The following TTC38 variants were observed in gnomAD, a reference collection of about 807,000 sequenced individuals.
TTC38 encodes tetratricopeptide repeat protein 38.
TTC38 carries 64 observed loss-of-function variants against 64.2 expected under a neutral mutation model. The ratio of observed to expected loss-of-function variants is 1.00; its 90% CI spans 0.81 to 1.23. The LOEUF (loss-of-function observed/expected upper bound fraction) is 1.23. TTC38 is among the 50% of genes most tolerant of loss of function. The probability of loss-of-function intolerance (pLI) is 0.00; values close to 1 mark genes in which losing one functional copy is unlikely to be tolerated. For missense variants in TTC38, 573 were observed against 615.5 expected (o/e 0.93, Z 0.73); for synonymous variants, 254 against 249.3 (o/e 1.02, Z -0.18).
intron 12 of TTC38, 127 bp downstream of exon 12, chr22:46,289,688 C>A: frequency 6.9e-7 from 1 of 1,456,008 alleles, no homozygotes; most frequent in South Asian, 1.2e-5. Context: ...CTCTCACACT[C>A]CCGCCGTGTA....
Position 46,281,550 on chromosome 22 carries a change from C to A in TTC38, c.616-49C>A, listed in dbSNP as rs1293027453. 1 of 1,604,496 alleles carries A rather than the reference C, an allele frequency of 6.2e-7. No homozygotes were observed. The highest frequency in any genetic ancestry group is 8.5e-7 in the Non-Finnish European group (1 of 1,172,970). Reference sequence around the variant, plus strand: ...GACCTGCCGTCGCCTGCCCCGGCAGCCTGACTGATCTGCTTTATCTGGAAT... The same window carrying A: ...GACCTGCCGTCGCCTGCCCCGGCAGACTGACTGATCTGCTTTATCTGGAAT... On this transcript the variant is annotated intron_variant, in intron 6 of 13. Coordinates refer to ENST00000381031, the MANE Select transcript of TTC38 (RefSeq NM_017931.4). The surrounding 1 kb of genome is among the most constrained non-coding windows in gnomAD (Gnocchi z 5.2).
At chr22:46,283,910 ATTTGTTTTTTTCCC>A in intron 7 of TTC38, 49 bp from the exon 8 acceptor site, 1 of 975,174 alleles carries the variant, frequency 1.0e-6, no homozygotes. Flanking sequence ...ACAAAACAAC[ATTTGTTTTTTTCCC>A]ATAGGCCTTC....
intron 9 of TTC38, among the ~76,000 whole-genome samples, 171 bp downstream of exon 9, chr22:46,285,450 T>A (rs920092961): frequency 1.3e-5 from 2 of 152,178 alleles, no homozygotes; most frequent in East Asian, 3.9e-4. Flanking sequence ...AGCAATGTTG[T>A]AACCCTGCCT....
At chr22:46,287,019 AG>A in intron 9 of TTC38, 53 bp from the exon 10 acceptor site, 9 of 1,435,866 alleles carry the variant, frequency 6.3e-6, no homozygotes, top group Non-Finnish European at 8.6e-6. Context: ...CTGTGCCTGC[AG>A]CCCCATCATC....
Position 46,292,327 on chromosome 22 carries a change from G to T in TTC38, c.1317-464G>T, listed in dbSNP as rs542274907. ...TCCTTCCATCGTGCAGGGATTACAGGGGTGAGCCACCACACCTATCTCTTC... is the reference window on the plus strand; with the variant it reads ...TCCTTCCATCGTGCAGGGATTACAGTGGTGAGCCACCACACCTATCTCTTC... On this transcript the variant is annotated intron_variant, in intron 13 of 13. Coordinates refer to ENST00000381031, the MANE Select transcript of TTC38 (RefSeq NM_017931.4). The surrounding 1 kb of genome is among the most constrained non-coding windows in gnomAD (Gnocchi z 6.5). 2 of 369,006 alleles carry T rather than the reference G, an allele frequency of 5.4e-6. No individual in the cohort carries two copies. The highest frequency in any genetic ancestry group is 7.6e-5 in the East Asian group (1 of 13,198). 22.9% of individuals were successfully genotyped at this position (369,006 alleles called of 1,614,324 possible). A position where few individuals can be genotyped will look rare whatever the true frequency, so the allele number is the denominator to read the frequency against.
intron 11 of TTC38, among the ~76,000 whole-genome samples, chr22:46,288,980 C>T (rs1016480767): frequency 2.6e-5 from 4 of 152,230 alleles, no homozygotes; most frequent in Admixed American, 1.3e-4. Flanking sequence ...GTTTCCCCAT[C>T]TAAATCAGGG....
In TTC38 at chr22:46,274,266, T is replaced by C. The variant is rs903917731; in HGVS notation, c.365+197T>C. Among the ~76,000 whole-genome samples, 4 of 152,200 alleles carry C rather than the reference T, an allele frequency of 2.6e-5. No homozygotes were observed. Among genetic ancestry groups the C allele is most frequent in the African/African-American group, 9.6e-5 (4 of 41,458 alleles). On this transcript the variant is annotated intron_variant, in intron 4 of 13. Transcript: ENST00000381031. The surrounding 1 kb of genome is among the most constrained non-coding windows in gnomAD (Gnocchi z 4.8). ...GGTGGAGTGCTGAGTGAGGAAGCAGTTGGTGAAGATTCCCAACTTAGTGTC... is the reference window on the plus strand; with the variant it reads ...GGTGGAGTGCTGAGTGAGGAAGCAGCTGGTGAAGATTCCCAACTTAGTGTC...
At position 46,287,077 on chromosome 22, in the gene TTC38, T is replaced by C; in HGVS notation, c.839T>C (p.Leu280Pro). Residue 280 changes from leucine (L) to proline (P), a missense_variant, in exon 10 of 14, where the codon CTT becomes CCT. Coordinates refer to ENST00000381031, the MANE Select transcript of TTC38 (RefSeq NM_017931.4). ...AALTIYDTHILPSLQANDAML... is the reference protein window; with the variant it reads ...AALTIYDTHIPPSLQANDAML... ...CTTGGCCGCCCTGTCTTCCAGATCC[T>C]TCCCAGCCTGCAGGCCAACGATGCA... 1 of 1,599,926 alleles carries C rather than the reference T, an allele frequency of 6.3e-7. No homozygotes were observed. Among genetic ancestry groups the C allele is most frequent in the East Asian group, 2.2e-5 (1 of 44,700 alleles).
chr22:46,287,262 C>T (rs1177899048), intron 10 of TTC38, 108 bp downstream of exon 10: 6 of 901,914 alleles, frequency 6.7e-6, no homozygotes, highest in Non-Finnish European at 1.0e-5. Context: ...GGGTGAGCCG[C>T]TCCAGACCCC....
chr22:46,268,667 TTTTTG>T (rs138035782), intron 2 of TTC38, 76 bp downstream of exon 2: 175,311 of 1,306,608 alleles, frequency 0.13, 22,366 homozygotes, highest in African/African-American at 0.56. Context: ...GAAAGCTGTT[TTTTTG>T]TTTTGTTTTG....
chr22:46,269,490 A>G (rs1263583324), intron 2 of TTC38, among the ~76,000 whole-genome samples: 1 of 152,254 alleles, frequency 6.6e-6, no homozygotes, highest in Non-Finnish European at 1.5e-5. Flanking sequence ...AATTACAGGC[A>G]GAACCAGGAT....
chr22:46,271,727 T>C lies in TTC38; in HGVS notation c.112-608T>C, dbSNP rs532106596. Reference sequence around the variant, plus strand: ...AGTTTTGCCATGTTGGCCAGGCTGGTCTCAAACTCCTGCCCTCAAGTGATC... The same window carrying C: ...AGTTTTGCCATGTTGGCCAGGCTGGCCTCAAACTCCTGCCCTCAAGTGATC... On this transcript the variant is annotated intron_variant, in intron 2 of 13. Transcript: ENST00000381031. This position sits in a 1 kb window ranked among gnomAD's most constrained non-coding sequence, Gnocchi z 5.5. 6.6e-6 allele frequency among the ~76,000 whole-genome samples: 1 copy of C among 152,220 alleles called. No individual in the cohort carries two copies. The highest frequency in any genetic ancestry group is 6.5e-5 in the Admixed American group (1 of 15,292).
intron 8 of TTC38, 74 bp from the exon 9 acceptor site, chr22:46,285,167 C>T: frequency 1.4e-6 from 2 of 1,386,470 alleles, no homozygotes; most frequent in Non-Finnish European, 2.1e-6. Context: ...TTTGGCCTGG[C>T]CGTTCTCAGT....
At chr22:46,277,033 A>G (rs529454395) in intron 5 of TTC38, among the ~76,000 whole-genome samples, 11,585 of 101,662 alleles carry the variant, frequency 0.11, 577 homozygotes, top group Middle Eastern at 0.13. Flanking sequence ...AGTAAACAAT[A>G]CATATATATA....
At chr22:46,280,622 T>C (rs2077527321) in intron 6 of TTC38, among the ~76,000 whole-genome samples, 1 of 152,226 alleles carries the variant, frequency 6.6e-6, no homozygotes, top group Non-Finnish European at 1.5e-5. Flanking sequence ...AGACACACTT[T>C]CTTTCCCTCT....
Position 46,292,721 on chromosome 22 carries a change from C to T in TTC38, c.1317-70C>T. ...AGCCTGCCTGTGTTCTGCCTTGGGACCAAGGGACCACCAGGCCCCACATCC... is the reference window on the plus strand; with the variant it reads ...AGCCTGCCTGTGTTCTGCCTTGGGATCAAGGGACCACCAGGCCCCACATCC... On this transcript the variant is annotated intron_variant, in intron 13 of 13. Transcript: ENST00000381031. This position sits in a 1 kb window ranked among gnomAD's most constrained non-coding sequence, Gnocchi z 6.5. The T allele has an allele frequency of 7.2e-7, 1 of 1,397,704 alleles. No homozygotes were observed. The highest frequency in any genetic ancestry group is 1.0e-6 in the Non-Finnish European group (1 of 987,318). 86.6% of individuals were successfully genotyped at this position (1,397,704 alleles called of 1,614,324 possible).
At chr22:46,278,756 C>T (rs1601873929) in intron 6 of TTC38, 95 bp downstream of exon 6, 8 of 982,910 alleles carry the variant, frequency 8.1e-6, no homozygotes, top group Middle Eastern at 2.6e-4. Context: ...GTGACCCCGG[C>T]GAACCCCATC....
Position 46,288,495 on chromosome 22 carries a change from T to C in TTC38, c.989T>C (p.Leu330Pro). ...ARKHSRDHIL[L>P]FNDAHFLMAS... ...AAGCACAGCCGAGACCACATCCTGC[T>C]GTTCAATGACGCACACTTCCTGATG... The change falls in exon 11 of 14, where the codon CTG becomes CCG. Residue 330 changes from leucine to proline, a missense_variant. By Grantham distance (98) the Leu-to-Pro change is moderately conservative. Around this residue, in one of 3 missense-constraint regions of TTC38, gnomAD observed 371 missense variants for 381.8 expected, o/e 0.97. Transcript: ENST00000381031. 2.5e-6 allele frequency: 4 copies of C among 1,614,014 alleles called. No homozygotes were observed. The highest frequency in any genetic ancestry group is 3.4e-6 in the Non-Finnish European group (4 of 1,179,926).
chr22:46,277,629 AG>A (rs2077502616), intron 5 of TTC38, among the ~76,000 whole-genome samples: 1 of 130,016 alleles, frequency 7.7e-6, no homozygotes, highest in Non-Finnish European at 1.6e-5. Context: ...AAAAAAAAAA[AG>A]AGAGAGATTG....
Sources: allele counts gnomAD v4.1 joint callset (sites outside exome capture counted in the v4.1 genomes callset), GRCh38; gene constraint gnomAD v4.1.1; regional missense constraint gnomAD v4.1.1; non-coding constraint Gnocchi (gnomAD v3.1); transcripts MANE v1.5; gene names NCBI Gene and HGNC (gene_info 2026-07-23, HGNC 2026-07-21).